Variants in ZNF487 observed in about 807,000 individuals in gnomAD.
The protein encoded by ZNF487 is KRAB domain only 1.
Under a neutral mutation model 3.0 loss-of-function variants are expected in ZNF487, and 4 were observed. The observed-to-expected ratio is 1.35, with a 90% CI of 0.66 to 3.08. The LOEUF is 3.08. ZNF487 is among the 30% of genes most tolerant of loss of function. The pLI is 0.01. For missense variants in ZNF487, 146 were observed against 98.7 expected (o/e 1.48, Z -2.03); for synonymous variants, 55 against 34.6 (o/e 1.59, Z -2.06).
the ZNF487 span, among the ~76,000 whole-genome samples, chr10:43,494,661 C>T: frequency 6.7e-6 from 1 of 149,280 alleles, no homozygotes; most frequent in Non-Finnish European, 1.5e-5. Flanking sequence ...AATCAGTACA[C>T]TTGAGGCTGG....
chr10:43,494,614 GGT>G, the ZNF487 span, among the ~76,000 whole-genome samples: 1 of 151,812 alleles, frequency 6.6e-6, no homozygotes, highest in African/African-American at 2.4e-5. Context: ...ATCTTGAAGT[GGT>G]GGGTTCGAGA....
chr10:43,489,352 T>C, the ZNF487 span, among the ~76,000 whole-genome samples: 4 of 152,148 alleles, frequency 2.6e-5, no homozygotes, highest in Non-Finnish European at 5.9e-5. Context: ...TATTTATTTA[T>C]TTATTTTTAT....
intron 1 of ZNF487, among the ~76,000 whole-genome samples, chr10:43,443,061 CTTT>C (rs34420531): frequency 1.1e-4 from 13 of 119,900 alleles, no homozygotes; most frequent in Non-Finnish European, 1.1e-4. Context: ...CTCGTTCTAG[CTTT>C]TTTTTTTTTT....
chr10:43,446,381 A>G (rs61113633), intron 1 of ZNF487, among the ~76,000 whole-genome samples: 5,134 of 140,244 alleles, frequency 0.037, 105 homozygotes, highest in South Asian at 0.045. Flanking sequence ...CCAGGCGGAG[A>G]GGCTCCTCAC....
chr10:43,483,510 A>T (rs1841439171), downstream of ZNF487, among the ~76,000 whole-genome samples: 1 of 143,466 alleles, frequency 7.0e-6, no homozygotes, highest in Non-Finnish European at 1.5e-5. Context: ...AAGTGTTGGG[A>T]TTACAGCCAC....
the ZNF487 span, among the ~76,000 whole-genome samples, chr10:43,520,178 G>A: frequency 8.5e-3 from 950 of 111,238 alleles, 7 homozygotes; most frequent in African/African-American, 0.03. Flanking sequence ...ACCAGATTAA[G>A]TTCTTGACTA....
At chr10:43,507,964 A>G in the ZNF487 span, among the ~76,000 whole-genome samples, 4 of 152,216 alleles carry the variant, frequency 2.6e-5, no homozygotes, top group Non-Finnish European at 5.9e-5. Flanking sequence ...TGTCATGGAA[A>G]AGGCGGGACT....
the ZNF487 span, among the ~76,000 whole-genome samples, chr10:43,521,032 T>A: frequency 3.2e-3 from 484 of 152,288 alleles, no homozygotes; most frequent in Middle Eastern, 0.014. Context: ...TTGTGTTGAA[T>A]CTGGGTAAGA....
At chr10:43,491,838 G>A in the ZNF487 span, among the ~76,000 whole-genome samples, 9 of 151,906 alleles carry the variant, frequency 5.9e-5, no homozygotes, top group Non-Finnish European at 1.3e-4. Flanking sequence ...TTTATGCTTT[G>A]TGGACCAAGA....
chr10:43,465,163 CG>C (rs1840636421), intron 1 of ZNF487, among the ~76,000 whole-genome samples: 1 of 121,234 alleles, frequency 8.2e-6, no homozygotes, highest in Non-Finnish European at 1.7e-5. Flanking sequence ...ACCTCCCTCC[CG>C]GAAGGGGCGG....
intron 1 of ZNF487, among the ~76,000 whole-genome samples, chr10:43,468,383 G>A (rs973075361): frequency 4.6e-5 from 7 of 151,980 alleles, no homozygotes; most frequent in African/African-American, 1.2e-4. Context: ...GAAATCTTTC[G>A]TGAAAGGAAG....
chr10:43,512,187 G>T, the ZNF487 span, among the ~76,000 whole-genome samples: 1 of 152,190 alleles, frequency 6.6e-6, no homozygotes, highest in Non-Finnish European at 1.5e-5. Context: ...CTGTGAACCA[G>T]GCCCTAGTCC....
chr10:43,471,311 G>A (rs369924207), intron 1 of ZNF487, among the ~76,000 whole-genome samples: 37 of 152,276 alleles, frequency 2.4e-4, no homozygotes, highest in African/African-American at 7.7e-4. Context: ...ACACTTGCTC[G>A]CACACTTGGA....
At chr10:43,470,680 C>T (rs191601263) in intron 1 of ZNF487, among the ~76,000 whole-genome samples, 12 of 151,772 alleles carry the variant, frequency 7.9e-5, no homozygotes, top group Admixed American at 3.3e-4. Flanking sequence ...CCAGCACACC[C>T]GGGCAATTTT....
At chr10:43,502,550 T>A in the ZNF487 span, among the ~76,000 whole-genome samples, 1 of 152,084 alleles carries the variant, frequency 6.6e-6, no homozygotes, top group African/African-American at 2.4e-5. Context: ...AATACCTAAA[T>A]AACTCATTAT....
At chr10:43,497,001 AC>A in the ZNF487 span, among the ~76,000 whole-genome samples, 1 of 152,282 alleles carries the variant, frequency 6.6e-6, no homozygotes, top group East Asian at 1.9e-4. Flanking sequence ...CCAAGTAATG[AC>A]CTCATAGCTG....
chr10:43,457,334 G>A (rs1024967213), intron 1 of ZNF487, among the ~76,000 whole-genome samples: 2 of 151,830 alleles, frequency 1.3e-5, no homozygotes, highest in Non-Finnish European at 2.9e-5. Flanking sequence ...GAGGGGGGAG[G>A]ATCACAAGGT....
intron 3 of ZNF487, among the ~76,000 whole-genome samples, chr10:43,480,375 GGATTACAAGCGT>G (rs2132153061): frequency 6.6e-6 from 1 of 150,714 alleles, no homozygotes; most frequent in African/African-American, 2.4e-5. Flanking sequence ...CAAAGTGCTG[GGATTACAAGCGT>G]GAGCCACCGC....
the ZNF487 span, among the ~76,000 whole-genome samples, chr10:43,504,293 C>CTTTTTTTTTTTTTTTTTTTTTT: frequency 5.5e-5 from 6 of 108,984 alleles, no homozygotes; most frequent in Non-Finnish European, 1.0e-4. Flanking sequence ...TTCTTTCTTT[C>CTTTTTTTTTTTTTTTTTTTTTT]TTTTTTTTTT....
Sources: gnomAD v4.1 joint callset for allele counts (sites outside exome capture counted in the v4.1 genomes callset) on GRCh38, gnomAD v4.1.1 for gene constraint, MANE v1.5 for transcripts, NCBI Gene and HGNC (gene_info 2026-07-23, HGNC 2026-07-21) for gene names.